LAMA4: variants seen among roughly 807,000 people sequenced by gnomAD.
LAMA4 encodes laminin subunit alpha-4.
In LAMA4, 127 loss-of-function variants were observed where a neutral mutation model predicts 207.1. The observed-to-expected ratio is 0.61, with a 90% CI of 0.53 to 0.71. The LOEUF is 0.71. LAMA4 is among the 30% of genes least tolerant of loss of function. The probability of loss-of-function intolerance (pLI) is 0.00; values close to 1 mark genes in which losing one functional copy is unlikely to be tolerated. For missense variants in LAMA4, 2,093 were observed against 2,246.5 expected (o/e 0.93, Z 1.38); for synonymous variants, 761 against 816.0 (o/e 0.93, Z 1.15).
intron 29 of LAMA4, 142 bp downstream of exon 29, chr6:112,130,826 G>T: frequency 5.1e-6 from 4 of 785,992 alleles, no homozygotes; most frequent in Admixed American, 2.2e-5. Flanking sequence ...ATATTTTTTT[G>T]AGGAAGATAA....
At chr6:112,243,253 A>T (rs1786655679) in intron 2 of LAMA4, among the ~76,000 whole-genome samples, 1 of 151,956 alleles carries the variant, frequency 6.6e-6, no homozygotes. Context: ...CCAGCCCCAC[A>T]TCTGGAGTTG....
intron 24 of LAMA4, 104 bp downstream of exon 24, chr6:112,139,016 G>T: frequency 1.7e-6 from 2 of 1,155,334 alleles, no homozygotes; most frequent in Non-Finnish European, 2.6e-6. Context: ...TAGAATTTCA[G>T]TTTGATGGCA....
intron 2 of LAMA4, among the ~76,000 whole-genome samples, chr6:112,241,162 A>AATATATAGGAAT (rs1562102152): frequency 3.6e-5 from 2 of 55,544 alleles, no homozygotes; most frequent in Admixed American, 1.6e-4. Flanking sequence ...TATATATATG[A>AATATATAGGAAT]ATATATATGA....
chr6:112,180,029 C>T, intron 9 of LAMA4: 2 of 432,692 alleles, frequency 4.6e-6, no homozygotes, highest in Non-Finnish European at 9.3e-6. Context: ...TTACTCCTCC[C>T]TGCTTTTAAA....
Position 112,206,907 on chromosome 6 carries a change from G to C in LAMA4, c.422+114C>G, listed in dbSNP as rs1272805398. On this transcript the variant is annotated intron_variant, in intron 4 of 38. Coordinates refer to ENST00000230538, the MANE Select transcript of LAMA4 (RefSeq NM_001105206.3). Reference sequence around the variant, plus strand: ...CTTTTCCAGTCTCATCTCAATATGAGGTTTTGCCTGTGGAGAAACCTCAGA... The same window carrying C: ...CTTTTCCAGTCTCATCTCAATATGACGTTTTGCCTGTGGAGAAACCTCAGA... 3 of 1,232,318 alleles carry C rather than the reference G, an allele frequency of 2.4e-6. No homozygotes were observed. In the African/African-American group the frequency reaches 4.5e-5, roughly 18 times the overall value. 76.3% of individuals were successfully genotyped at this position (1,232,318 alleles called of 1,614,324 possible).
At chr6:112,141,005 A>G in intron 21 of LAMA4, 83 bp from the exon 22 acceptor site, 1 of 1,206,714 alleles carries the variant, frequency 8.3e-7, no homozygotes, top group Non-Finnish European at 1.2e-6. Context: ...ATGCTCCCTC[A>G]TCACAAAATG....
Position 112,243,410 on chromosome 6 carries a change from C to T in LAMA4, c.195+10546G>A, listed in dbSNP as rs76509334. Among the ~76,000 whole-genome samples, 104 of 152,210 alleles carry T rather than the reference C, an allele frequency of 6.8e-4. No homozygotes were observed. The East Asian group carries it at 0.013, about 19-fold the overall frequency. Reference sequence around the variant, plus strand: ...CTTAAGCCAGGTTCCCTTTAACTGGCGTAAATTTTAACTTATTTATTAAAT... The same window carrying T: ...CTTAAGCCAGGTTCCCTTTAACTGGTGTAAATTTTAACTTATTTATTAAAT... On this transcript the variant is annotated intron_variant, in intron 2 of 38. Transcript: ENST00000230538.
chr6:112,232,551 G>C (rs1157469186), intron 2 of LAMA4, among the ~76,000 whole-genome samples: 2 of 151,942 alleles, frequency 1.3e-5, no homozygotes, highest in Non-Finnish European at 2.9e-5. Context: ...CATTTCTTTT[G>C]AGTAAAAATT....
At chr6:112,204,635 T>C (rs1321901847) in intron 4 of LAMA4, among the ~76,000 whole-genome samples, 1 of 151,544 alleles carries the variant, frequency 6.6e-6, no homozygotes, top group Non-Finnish European at 1.5e-5. Flanking sequence ...CTGTGCTAAA[T>C]ATCTCACCAG....
intron 2 of LAMA4, 179 bp downstream of exon 2, chr6:112,253,777 C>A: frequency 6.2e-7 from 1 of 1,614,150 alleles, no homozygotes; most frequent in South Asian, 1.1e-5. Context: ...CTCTCAACAT[C>A]CAAATGCAAC....
chr6:112,156,218 C>G (rs943814373), intron 14 of LAMA4, among the ~76,000 whole-genome samples: 22 of 152,210 alleles, frequency 1.4e-4, no homozygotes, highest in South Asian at 8.3e-4. Context: ...CAGCACACAG[C>G]CCCACCTCAG....
chr6:112,240,736 G>T (rs1786358178), intron 2 of LAMA4, among the ~76,000 whole-genome samples: 1 of 151,944 alleles, frequency 6.6e-6, no homozygotes, highest in African/African-American at 2.4e-5. Context: ...TTTTTTTATG[G>T]TTAAATAGTA....
At chr6:112,222,923 C>T (rs1412725902) in intron 2 of LAMA4, among the ~76,000 whole-genome samples, 11 of 152,068 alleles carry the variant, frequency 7.2e-5, no homozygotes, top group Non-Finnish European at 1.0e-4. Flanking sequence ...TACTAATGAA[C>T]ATTTCTTTAA....
intron 3 of LAMA4, among the ~76,000 whole-genome samples, chr6:112,214,529 T>C (rs1554358005): frequency 6.6e-6 from 1 of 152,238 alleles, no homozygotes; most frequent in Non-Finnish European, 1.5e-5. Context: ...ATTATACTAA[T>C]GTATCTATAT....
chr6:112,192,054 C>T (rs1783153041), intron 5 of LAMA4, among the ~76,000 whole-genome samples: 1 of 152,196 alleles, frequency 6.6e-6, no homozygotes, highest in Non-Finnish European at 1.5e-5. Flanking sequence ...TCATTTGGTT[C>T]ACTTCATCTG....
At position 112,109,278 on chromosome 6, in the gene LAMA4, A is replaced by G; in HGVS notation, c.*159T>C. On this transcript the variant is annotated 3_prime_UTR_variant, in exon 39 of 39. Transcript: ENST00000230538. The stretch of plus-strand genomic sequence containing the variant: ...GGATTCAAGGTTAAGAATCCAAATG[A>G]GAAATAAGAAATATCCGGTCCCTGA... The G allele has an allele frequency of 1.2e-6, 1 of 801,644 alleles. No individual in the cohort carries two copies. Among genetic ancestry groups the G allele is most frequent in the Non-Finnish European group, 2.0e-6 (1 of 496,378 alleles). The allele number at this position is 801,644 out of a possible 1,614,324, so 49.7% of individuals were successfully genotyped here.
chr6:112,206,283 T>C lies in LAMA4; in HGVS notation c.422+738A>G, dbSNP rs78363027. On this transcript the variant is annotated intron_variant, in intron 4 of 38. Transcript: ENST00000230538. ...AACTGATCTCTTAATCTGTGGGATC[T>C]GCACTGACTGTGGAAACTTAGTGTC... Among the ~76,000 whole-genome samples the C allele has an allele frequency of 7.7e-3, 1,169 of 152,300 alleles. 13 individuals are homozygous for C. Among genetic ancestry groups the C allele is most frequent in the African/African-American group, 0.023 (937 of 41,570 alleles).
intron 5 of LAMA4, among the ~76,000 whole-genome samples, chr6:112,193,405 C>A (rs1484723293): frequency 6.6e-6 from 1 of 151,850 alleles, no homozygotes; most frequent in Non-Finnish European, 1.5e-5. Context: ...TAAAACACTA[C>A]ATTTTTTTTA....
In LAMA4 at chr6:112,143,284, CTTT is replaced by C. The variant is rs61620762; in HGVS notation, c.2494-995_2494-993del. Among the ~76,000 whole-genome samples, 615 of 124,852 alleles carry C rather than the reference CTTT, an allele frequency of 4.9e-3. 1 individual carries two copies. The highest frequency in any genetic ancestry group is 6.6e-3 in the Non-Finnish European group (397 of 60,190). 81.9% of individuals were successfully genotyped at this position (124,852 alleles called of 152,430 possible). On this transcript the variant is annotated intron_variant, in intron 19 of 38. Coordinates refer to ENST00000230538, the MANE Select transcript of LAMA4 (RefSeq NM_001105206.3). ...GTTATCAGTTGAGTAAAAACTAATA[CTTT>C]TTTTTTTTTTTTTTTTTGAGACACA...
Sources: gnomAD v4.1 joint callset for allele counts (sites outside exome capture counted in the v4.1 genomes callset) on GRCh38, gnomAD v4.1.1 for gene constraint, MANE v1.5 for transcripts, NCBI Gene and HGNC (gene_info 2026-07-23, HGNC 2026-07-21) for gene names.